OR51E2: variants seen among roughly 807,000 people sequenced by gnomAD.
OR51E2 encodes olfactory receptor family 51 subfamily E member 2.
OR51E2 carries 14 observed loss-of-function variants against 13.7 expected under a neutral mutation model. The observed-to-expected ratio is 1.02, with a 90% CI of 0.68 to 1.60. The LOEUF (loss-of-function observed/expected upper bound fraction) is 1.60, where lower values mean the gene tolerates loss of function less well. Among genes scored for constraint, OR51E2 ranks in the 40% most tolerant of loss-of-function variants. The pLI, the probability that OR51E2 is intolerant of heterozygous loss-of-function variation, is 0.00. For missense variants in OR51E2, 483 were observed against 413.8 expected, an observed-to-expected ratio of 1.17 and a Z score of -1.45; for synonymous variants, 180 against 157.6, an observed-to-expected ratio of 1.14 and a Z score of -1.07.
At chr11:4,686,005 T>G (rs2133247029) in intron 1 of OR51E2, 1 of 152,346 alleles carries the variant, frequency 6.6e-6, no homozygotes, top group East Asian at 1.9e-4. Flanking sequence ...CAGAAGTACT[T>G]CCATCAGCCA....
chr11:4,687,803 G>A (rs1211514260), intron 1 of OR51E2, among the ~76,000 whole-genome samples: 1 of 152,142 alleles, frequency 6.6e-6, no homozygotes. Context: ...CACCTGGAAA[G>A]GGCACCAGGC....
Position 4,682,654 on chromosome 11 carries a change from C to A in OR51E2, c.58G>T (p.Glu20Ter). The A allele has an allele frequency of 6.2e-7, 1 of 1,614,204 alleles. No homozygotes were observed. Among genetic ancestry groups the A allele is most frequent in the Non-Finnish European group, 8.5e-7 (1 of 1,180,024 alleles). The change falls in exon 2 of 2, where the codon GAG becomes TAG. Residue 20 changes from glutamate to a stop codon, truncating the protein, a stop_gained. Coordinates refer to ENST00000396950, the MANE Select transcript of OR51E2 (RefSeq NM_030774.4). LOFTEE classifies it high-confidence loss of function. ...TFVLIGIPGL[E>*]KAHFWVGFPL... ...AAGCCAACCCAGAAATGGGCTTTCT[C>A]TAATCCTGGGATACCAATAAGCACA...
At chr11:4,686,874 A>T (rs896447165) in intron 1 of OR51E2, among the ~76,000 whole-genome samples, 1 of 151,866 alleles carries the variant, frequency 6.6e-6, no homozygotes, top group African/African-American at 2.4e-5. Flanking sequence ...AATTTCCTAT[A>T]GATGGAAGCT....
At position 4,680,293 on chromosome 11, in the gene OR51E2, G is replaced by A. The variant is rs1297027658; in HGVS notation, c.*1456C>T. On this transcript the variant is annotated 3_prime_UTR_variant, in exon 2 of 2. Coordinates refer to ENST00000396950, the MANE Select transcript of OR51E2 (RefSeq NM_030774.4). ...AAAATGAAGACATGATCAAGGAGAT[G>A]TAAGAGACAAATAGACAACAACATT... 3 of 152,334 alleles carry A rather than the reference G, an allele frequency of 2.0e-5. No individual in the cohort carries two copies. Among genetic ancestry groups the A allele is most frequent in the African/African-American group, 4.8e-5 (2 of 41,584 alleles). The allele number at this position is 152,334 out of a possible 1,614,324, so 9.4% of individuals were successfully genotyped here.
intron 1 of OR51E2, among the ~76,000 whole-genome samples, chr11:4,693,724 AAAAC>A (rs943086437): frequency 3.9e-5 from 6 of 152,106 alleles, no homozygotes; most frequent in East Asian, 1.9e-4. Context: ...TCCGTTTCAA[AAAAC>A]AAACAAACAA....
intron 1 of OR51E2, among the ~76,000 whole-genome samples, chr11:4,685,496 G>A (rs531295944): frequency 4.6e-5 from 7 of 152,216 alleles, no homozygotes; most frequent in Admixed American, 3.3e-4. Flanking sequence ...AAATACAAAA[G>A]TATAGTTCCA....
Position 4,682,003 on chromosome 11 carries a change from A to C in OR51E2, c.709T>G (p.Phe237Val). 5 of 1,614,232 alleles carry C rather than the reference A, an allele frequency of 3.1e-6. No homozygotes were observed. The highest frequency in any genetic ancestry group is 4.2e-6 in the Non-Finnish European group (5 of 1,180,050). ...CCAATGTGTGACACACAGGTTCCAA[A>C]GGCCTTGGCCCGCTCTGACTTGGAA... ...LPSKSERAKAFGTCVSHIGVV... is the reference protein window; with the variant it reads ...LPSKSERAKAVGTCVSHIGVV... The change falls in exon 2 of 2, where the codon TTT (phenylalanine) becomes GTT (valine). Residue 237 changes from phenylalanine to valine, a missense_variant. Coordinates refer to ENST00000396950, the MANE Select transcript of OR51E2 (RefSeq NM_030774.4).
Position 4,681,604 on chromosome 11 carries a change from T to C in OR51E2, c.*145A>G. 1.2e-6 allele frequency: 1 copy of C among 808,070 alleles called. No homozygotes were observed. The highest frequency in any genetic ancestry group is 2.0e-6 in the Non-Finnish European group (1 of 507,554). The allele number at this position is 808,070 out of a possible 1,614,324, so 50.1% of individuals were successfully genotyped here. ...TATGTATTATTCCACATAATAGTCC[T>C]TTAGGTAGATGTACCATACTTTAGT... On this transcript the variant is annotated 3_prime_UTR_variant, in exon 2 of 2. Coordinates refer to ENST00000396950, the MANE Select transcript of OR51E2 (RefSeq NM_030774.4).
At chr11:4,688,251 T>A (rs574053425) in intron 1 of OR51E2, among the ~76,000 whole-genome samples, 2 of 152,054 alleles carry the variant, frequency 1.3e-5, no homozygotes, top group Non-Finnish European at 2.9e-5. Context: ...GGGAGAGGTG[T>A]TGTTGTTGTT....
intron 1 of OR51E2, among the ~76,000 whole-genome samples, chr11:4,693,751 T>A (rs1380007076): frequency 6.6e-6 from 1 of 152,064 alleles, no homozygotes; most frequent in Non-Finnish European, 1.5e-5. Flanking sequence ...AAAAAACTGT[T>A]GAGCAACAGT....
In OR51E2 at chr11:4,681,989, C is replaced by T. The variant is rs776627461; in HGVS notation, c.723G>A (p.Val241=). 4.3e-6 allele frequency: 7 copies of T among 1,614,242 alleles called. No individual in the cohort carries two copies. Among genetic ancestry groups the T allele is most frequent in the East Asian group, 4.5e-5 (2 of 44,880 alleles). Residue 241 remains valine (V), a synonymous_variant, in exon 2 of 2, where the codon GTG becomes GTA. Transcript: ENST00000396950. ...AGGCGAGTACCACACCAATGTGTGA[C>T]ACACAGGTTCCAAAGGCCTTGGCCC... ...SERAKAFGTC[V]SHIGVVLAFY... is the part of the protein sequence containing the mutation.
intron 1 of OR51E2, among the ~76,000 whole-genome samples, chr11:4,684,891 C>G (rs190885967): frequency 1.3e-5 from 2 of 152,122 alleles, no homozygotes; most frequent in Admixed American, 1.3e-4. Context: ...ACTTGCCTTT[C>G]CTGATTGTTA....
intron 1 of OR51E2, among the ~76,000 whole-genome samples, chr11:4,695,301 A>G (rs1244985928): frequency 6.6e-6 from 1 of 152,158 alleles, no homozygotes; most frequent in Non-Finnish European, 1.5e-5. Flanking sequence ...CCTCTTTAGT[A>G]TCTTGTTTAG....
chr11:4,696,178 C>T (rs914330656), intron 1 of OR51E2, among the ~76,000 whole-genome samples: 5 of 152,146 alleles, frequency 3.3e-5, no homozygotes, highest in African/African-American at 1.2e-4. Flanking sequence ...AAATAAAATA[C>T]TGTGGCTACC....
intron 1 of OR51E2, chr11:4,691,693 A>G (rs1335010363): frequency 2.7e-6 from 1 of 368,136 alleles, no homozygotes; most frequent in African/African-American, 2.1e-5. Flanking sequence ...ATATTCTGCA[A>G]AGTTGACGTG....
rs764877318 is a variant in OR51E2 at position 4,697,673 on chromosome 11, G to T, written c.-71C>A. On this transcript the variant is annotated 5_prime_UTR_variant, in exon 1 of 2. Coordinates refer to ENST00000396950, the MANE Select transcript of OR51E2 (RefSeq NM_030774.4). ...CTTACAGAGCCCATACAGCAGTTCG[G>T]CCTGTTCCTTTCAGGCTGACTCAGA... 1.3e-5 allele frequency: 2 copies of T among 152,622 alleles called. No homozygotes were observed. The highest frequency in any genetic ancestry group is 2.9e-5 in the Non-Finnish European group (2 of 68,034). The allele number at this position is 152,622 out of a possible 1,614,324, so 9.5% of individuals were successfully genotyped here.
At chr11:4,694,488 GTA>G (rs370623953) in intron 1 of OR51E2, among the ~76,000 whole-genome samples, 22 of 141,768 alleles carry the variant, frequency 1.6e-4, no homozygotes, top group Admixed American at 2.2e-4. Flanking sequence ...ATATATACGT[GTA>G]TATATATATA....
chr11:4,692,802 A>G (rs1589875262), intron 1 of OR51E2, among the ~76,000 whole-genome samples: 1 of 150,568 alleles, frequency 6.6e-6, no homozygotes, highest in South Asian at 2.2e-4. Flanking sequence ...AGACTCACAC[A>G]TTCACCCTGA....
At chr11:4,695,075 TG>T in intron 1 of OR51E2, among the ~76,000 whole-genome samples, 1 of 152,142 alleles carries the variant, frequency 6.6e-6, no homozygotes, top group South Asian at 2.1e-4. Context: ...CTAGGTGCTG[TG>T]GGAAATGAAG....
Sources: gnomAD v4.1 joint callset for allele counts (sites outside exome capture counted in the v4.1 genomes callset) on GRCh38, gnomAD v4.1.1 for gene constraint, MANE v1.5 for transcripts, NCBI Gene and HGNC (gene_info 2026-07-23, HGNC 2026-07-21) for gene names.